Variants in NFIB observed in about 807,000 individuals in gnomAD.
NFIB encodes nuclear factor 1 B-type.
NFIB carries 11 observed loss-of-function variants against 61.5 expected under a neutral mutation model. That is an observed-to-expected ratio of 0.18 (90% CI 0.11 to 0.30). The LOEUF (loss-of-function observed/expected upper bound fraction) is 0.30. Among genes scored for constraint, NFIB ranks in the 10% least tolerant of loss-of-function variants. NFIB has a pLI of 1.00. For synonymous variants in NFIB, 260 were observed against 216.5 expected (o/e 1.20, Z -1.76); for missense variants, 471 against 608.9 (o/e 0.77, Z 2.38).
intron 2 of NFIB, among the ~76,000 whole-genome samples, chr9:14,190,545 C>G (rs1407131380): frequency 1.3e-5 from 2 of 152,084 alleles, no homozygotes; most frequent in Admixed American, 6.5e-5. Flanking sequence ...CCCATGTTTT[C>G]AAGGCAAAAG....
intron 2 of NFIB, among the ~76,000 whole-genome samples, chr9:14,234,666 C>CCT (rs1554682489): frequency 6.6e-6 from 1 of 151,456 alleles, no homozygotes; most frequent in Non-Finnish European, 1.5e-5. Context: ...TTGGTCTACT[C>CCT]TTTTTTTTAA....
At chr9:14,474,349 G>T in the NFIB span, among the ~76,000 whole-genome samples, 2 of 152,078 alleles carry the variant, frequency 1.3e-5, no homozygotes, top group Non-Finnish European at 2.9e-5. Flanking sequence ...TTTTATAAGG[G>T]CATGAATTCC....
chr9:14,131,109 A>T (rs1394671322), intron 6 of NFIB, among the ~76,000 whole-genome samples: 1 of 152,166 alleles, frequency 6.6e-6, no homozygotes, highest in Non-Finnish European at 1.5e-5. Flanking sequence ...AGAGAGAATA[A>T]TTTTTTTAAA....
intron 6 of NFIB, among the ~76,000 whole-genome samples, chr9:14,130,054 A>G (rs1417160058): frequency 6.6e-6 from 1 of 152,074 alleles, no homozygotes; most frequent in Non-Finnish European, 1.5e-5. Flanking sequence ...AGAAGAAAAA[A>G]CTTTCCAAAA....
chr9:14,435,482 T>C, the NFIB span, among the ~76,000 whole-genome samples: 2 of 152,222 alleles, frequency 1.3e-5, no homozygotes, highest in African/African-American at 4.8e-5. Flanking sequence ...TGTTTTCTCA[T>C]CTATTAAGTG....
intron 2 of NFIB, among the ~76,000 whole-genome samples, chr9:14,227,058 T>C (rs1013690197): frequency 2.0e-5 from 3 of 151,636 alleles, no homozygotes; most frequent in Admixed American, 6.6e-5. Context: ...GGAGAATTGC[T>C]TGTACCCAGG....
the NFIB span, among the ~76,000 whole-genome samples, chr9:14,479,527 C>T: frequency 6.6e-6 from 1 of 152,174 alleles, no homozygotes; most frequent in Non-Finnish European, 1.5e-5. Flanking sequence ...CAGGACAGTT[C>T]CTTGCACATG....
chr9:14,226,608 TGA>T (rs2052458517), intron 2 of NFIB, among the ~76,000 whole-genome samples: 1 of 151,748 alleles, frequency 6.6e-6, no homozygotes, highest in Non-Finnish European at 1.5e-5. Context: ...ATACTTCTTA[TGA>T]GCTTTATTAA....
chr9:14,192,911 A>G (rs1322743132), intron 2 of NFIB, among the ~76,000 whole-genome samples: 1 of 152,022 alleles, frequency 6.6e-6, no homozygotes, highest in African/African-American at 2.4e-5. Flanking sequence ...TGAATTTGGC[A>G]TATCTGTCAC....
intron 1 of NFIB, among the ~76,000 whole-genome samples, chr9:14,387,920 AG>A (rs1252459263): frequency 4.6e-5 from 7 of 152,238 alleles, no homozygotes; most frequent in African/African-American, 1.7e-4. Context: ...GTGCCCATTT[AG>A]GGGGCTGTGG....
chr9:14,414,769 T>C, the NFIB span, among the ~76,000 whole-genome samples: 2 of 152,144 alleles, frequency 1.3e-5, no homozygotes, highest in African/African-American at 2.4e-5. Context: ...TTATAGAATA[T>C]CTTAAGCATG....
intron 6 of NFIB, among the ~76,000 whole-genome samples, chr9:14,133,405 AAAAAG>A (rs2040633036): frequency 6.6e-6 from 1 of 152,332 alleles, no homozygotes; most frequent in East Asian, 1.9e-4. Context: ...AGACAACAGG[AAAAAG>A]AAAAGAACCA....
At chr9:14,303,774 C>G (rs1345928754) in intron 2 of NFIB, among the ~76,000 whole-genome samples, 3 of 152,108 alleles carry the variant, frequency 2.0e-5, no homozygotes, top group Non-Finnish European at 2.9e-5. Flanking sequence ...TTTTCCCCCT[C>G]GCCTGGCACT....
intron 1 of NFIB, among the ~76,000 whole-genome samples, chr9:14,340,687 T>A (rs1387943538): frequency 6.6e-6 from 1 of 152,238 alleles, no homozygotes; most frequent in Admixed American, 6.5e-5. Context: ...TTGTGCAGAA[T>A]GTGAATTACA....
chr9:14,294,980 C>A (rs1249674349), intron 2 of NFIB, among the ~76,000 whole-genome samples: 11 of 152,192 alleles, frequency 7.2e-5, no homozygotes, highest in Admixed American at 1.3e-4. Context: ...CCAACCAGAG[C>A]TACTGAAGTC....
At position 14,168,858 on chromosome 9, in the gene NFIB, C is replaced by A. The variant is rs755648483; in HGVS notation, c.616+10869G>T. Among the ~76,000 whole-genome samples, 37 of 152,192 alleles carry A rather than the reference C, an allele frequency of 2.4e-4. 1 individual carries two copies. Among genetic ancestry groups the A allele is most frequent in the Non-Finnish European group, 4.4e-4 (30 of 68,032 alleles). ...GAGCCTTTGTATTCATTCCTCTGTT[C>A]TTTCTACATTCTTTCTCCCAAAAGC... On this transcript the variant is annotated intron_variant, in intron 3 of 10. Coordinates refer to ENST00000380953, the MANE Select transcript of NFIB (RefSeq NM_001190737.2).
At chr9:14,447,547 A>C in the NFIB span, among the ~76,000 whole-genome samples, 1 of 152,154 alleles carries the variant, frequency 6.6e-6, no homozygotes, top group Non-Finnish European at 1.5e-5. Context: ...CTGTGGCTAT[A>C]AGTTCTCAGT....
rs1209322001 is a variant in NFIB, at chr9:14,087,711, T to G, written c.*598A>C. On this transcript the variant is annotated 3_prime_UTR_variant, in exon 11 of 11. Transcript: ENST00000380953. ...CTACAGAGATTTCATATATTTTTTT[T>G]AACTTTTAGAAATCAGAGTGCTTAT... The G allele has an allele frequency of 4.6e-6, 1 of 217,578 alleles. No homozygotes were observed. Among genetic ancestry groups the G allele is most frequent in the Non-Finnish European group, 9.3e-6 (1 of 107,824 alleles). The allele number at this position is 217,578 out of a possible 1,614,324, so 13.5% of individuals were successfully genotyped here. A position where few individuals can be genotyped will look rare whatever the true frequency, so the allele number is the denominator to read the frequency against.
At chr9:14,460,655 GTAATTATAAT>G in the NFIB span, among the ~76,000 whole-genome samples, 1 of 152,154 alleles carries the variant, frequency 6.6e-6, no homozygotes, top group South Asian at 2.1e-4. Context: ...AGACCTATAT[GTAATTATAAT>G]AATGAAATTT....
Sources: allele counts gnomAD v4.1 joint callset (sites outside exome capture counted in the v4.1 genomes callset), GRCh38; gene constraint gnomAD v4.1.1; transcripts MANE v1.5; gene names NCBI Gene and HGNC (gene_info 2026-07-23, HGNC 2026-07-21).